CLIP4: variants seen among roughly 807,000 people sequenced by gnomAD.
CLIP4 encodes CAP-Gly domain containing linker protein family member 4.
CLIP4 carries 47 observed loss-of-function variants against 73.1 expected under a neutral mutation model. The ratio of observed to expected loss-of-function variants is 0.64; its 90% CI spans 0.51 to 0.82. The LOEUF is 0.82. Ranked by LOEUF, CLIP4 falls within the 40% of genes least tolerant of loss-of-function variation. The pLI is 0.00. For synonymous variants in CLIP4, 306 were observed against 295.4 expected (o/e 1.04, Z -0.37); for missense variants, 874 against 852.9 (o/e 1.02, Z -0.31).
chr2:29,148,815 T>C (rs776011992), intron 8 of CLIP4, among the ~76,000 whole-genome samples: 3 of 152,210 alleles, frequency 2.0e-5, no homozygotes, highest in Non-Finnish European at 4.4e-5. Flanking sequence ...ATGTAGCAGT[T>C]TGTTGGTTGA....
intron 13 of CLIP4, among the ~76,000 whole-genome samples, chr2:29,164,362 A>G (rs1276343246): frequency 6.6e-6 from 1 of 152,188 alleles, no homozygotes; most frequent in Non-Finnish European, 1.5e-5. Context: ...AATGGAACCA[A>G]AATGGCTTTT....
intron 8 of CLIP4, among the ~76,000 whole-genome samples, chr2:29,146,797 G>T (rs1666201497): frequency 6.6e-6 from 1 of 152,066 alleles, no homozygotes. Context: ...TGTGAAATAG[G>T]GATGACACTA....
chr2:29,170,882 C>T (rs1667959440), intron 14 of CLIP4, among the ~76,000 whole-genome samples: 1 of 151,856 alleles, frequency 6.6e-6, no homozygotes, highest in Non-Finnish European at 1.5e-5. Flanking sequence ...ATTGCCTTTG[C>T]TCTTTTTTCA....
At chr2:29,174,704 A>G in intron 15 of CLIP4, 5 of 1,101,502 alleles carry the variant, frequency 4.5e-6, no homozygotes, top group Non-Finnish European at 4.4e-6. Context: ...ATAAAAGTTA[A>G]AGGAATTTAC....
In CLIP4 at chr2:29,131,343, T is replaced by C. The variant is rs141091030; in HGVS notation, c.219T>C (p.Ile73=). Residue 73 remains isoleucine, a synonymous_variant, in exon 3 of 16, where the codon ATT becomes ATC. Coordinates refer to ENST00000320081, the MANE Select transcript of CLIP4 (RefSeq NM_024692.6). ...CTTCAGTTTCAGAATTATTTGCCAT[T>C]TTGAGACAGTGGGTTCCTCAGGTCC... ...PKTSVSELFA[I]LRQWVPQVQQ... is the part of the protein sequence containing the mutation. The C allele has an allele frequency of 1.1e-4, 183 of 1,610,650 alleles. No homozygotes were observed. In the African/African-American group the frequency reaches 2.2e-3, roughly 19 times the overall value.
rs552010048 is a variant in CLIP4, at chr2:29,163,381, CTGTT to C, written c.1535-446_1535-443del. On this transcript the variant is annotated intron_variant, in intron 12 of 15. Coordinates refer to ENST00000320081, the MANE Select transcript of CLIP4 (RefSeq NM_024692.6). ...TTGTCCTTCTTTAATTATTTGAGCA[CTGTT>C]TGTGGTGTTCTAATGTTAGGTGAGT... 1.7e-4 allele frequency among the ~76,000 whole-genome samples: 26 copies of C among 152,102 alleles called. No individual in the cohort carries two copies. In the East Asian group the frequency reaches 4.6e-3, roughly 27 times the overall value.
upstream of CLIP4, chr2:29,115,251 G>A (rs1663692364): frequency 6.6e-6 from 1 of 152,134 alleles, no homozygotes. The surrounding 1 kb of genome is among the most constrained non-coding windows in gnomAD (Gnocchi z 5.1). Context: ...CACGCACGGC[G>A]TGCCGGGGCC....
intron 5 of CLIP4, 121 bp from the exon 6 acceptor site, chr2:29,135,427 A>G: frequency 1.8e-6 from 1 of 551,082 alleles, no homozygotes; most frequent in Non-Finnish European, 3.1e-6. Flanking sequence ...TCATGCCTCT[A>G]GTGGGTTGAT....
At chr2:29,114,965 T>C (rs1668496458), upstream of CLIP4, 1 of 152,382 alleles carries the variant, frequency 6.6e-6, no homozygotes, top group African/African-American at 2.4e-5. Flanking sequence ...GTCTGGTCCT[T>C]GGGAGACGGA....
chr2:29,140,056 T>C (rs1366515742), intron 6 of CLIP4, among the ~76,000 whole-genome samples: 1 of 149,850 alleles, frequency 6.7e-6, no homozygotes, highest in Non-Finnish European at 1.5e-5. Context: ...AACGTGTTTT[T>C]ATTTATTTAT....
At chr2:29,130,246 A>G (rs891329904) in intron 2 of CLIP4, among the ~76,000 whole-genome samples, 8 of 152,162 alleles carry the variant, frequency 5.3e-5, no homozygotes, top group African/African-American at 1.9e-4. Flanking sequence ...CTGACATCAA[A>G]AACTGTCAAA....
At chr2:29,132,308 A>G (rs1038218202) in intron 4 of CLIP4, 63 bp downstream of exon 4, 2 of 1,311,098 alleles carry the variant, frequency 1.5e-6, no homozygotes, top group African/African-American at 2.9e-5. Context: ...GATAATCTAT[A>G]TTTATGCCCA....
chr2:29,137,681 T>C (rs1028943071), intron 6 of CLIP4, among the ~76,000 whole-genome samples: 5 of 152,136 alleles, frequency 3.3e-5, no homozygotes. Flanking sequence ...CACCAAGATG[T>C]TATTTTTTGA....
intron 1 of CLIP4, among the ~76,000 whole-genome samples, chr2:29,105,447 C>A (rs184164681): frequency 1.1e-4 from 16 of 152,272 alleles, no homozygotes; most frequent in African/African-American, 3.9e-4. Flanking sequence ...GCAGGAGTTT[C>A]CATTTTGAAC....
At position 29,160,197 on chromosome 2, in the gene CLIP4, T is replaced by C. The variant is rs187544413; in HGVS notation, c.1400-136T>C. ...CTTATGTGATGAAAGGCATCAGATA[T>C]CAAAATCACCAACTAACTAGACTAG... is the stretch of plus-strand genomic sequence containing the variant. On this transcript the variant is annotated intron_variant, in intron 11 of 15. Coordinates refer to ENST00000320081, the MANE Select transcript of CLIP4 (RefSeq NM_024692.6). 2.1e-3 allele frequency: 2,210 copies of C among 1,053,604 alleles called. 5 individuals are homozygous for C. Among genetic ancestry groups the C allele is most frequent in the Non-Finnish European group, 2.8e-3 (2,003 of 710,134 alleles). 65.3% of individuals were successfully genotyped at this position (1,053,604 alleles called of 1,614,324 possible).
At position 29,148,133 on chromosome 2, in the gene CLIP4, G is replaced by A. The variant is rs550666189; in HGVS notation, c.1021+2766G>A. On this transcript the variant is annotated intron_variant, in intron 8 of 15. Transcript: ENST00000320081. Reference sequence around the variant, plus strand: ...GTACTCAAAGGCAAGTTGTGGGGCAGGGGTCATGTGTTGGATTGTGTGAAA... The same window carrying A: ...GTACTCAAAGGCAAGTTGTGGGGCAAGGGTCATGTGTTGGATTGTGTGAAA... Among the ~76,000 whole-genome samples, 9 of 152,294 alleles carry A rather than the reference G, an allele frequency of 5.9e-5. No individual in the cohort carries two copies. In the East Asian group the frequency reaches 1.7e-3, roughly 30 times the overall value.
chr2:29,153,429 T>A (rs937959196), intron 9 of CLIP4, among the ~76,000 whole-genome samples: 1 of 152,196 alleles, frequency 6.6e-6, no homozygotes, highest in Admixed American at 6.5e-5. Context: ...CTCACCATTT[T>A]TTTCGACTTC....
At chr2:29,148,327 C>T (rs1347178304) in intron 8 of CLIP4, among the ~76,000 whole-genome samples, 1 of 152,156 alleles carries the variant, frequency 6.6e-6, no homozygotes, top group East Asian at 1.9e-4. Flanking sequence ...GCTTGTTGTG[C>T]TGCTTTTATT....
At position 29,149,143 on chromosome 2, in the gene CLIP4, G is replaced by A. The variant is rs573748771; in HGVS notation, c.1022-3542G>A. Among the ~76,000 whole-genome samples the A allele has an allele frequency of 7.9e-4, 120 of 152,180 alleles. 1 individual carries two copies. Among genetic ancestry groups the A allele is most frequent in the Non-Finnish European group, 2.1e-4 (14 of 68,038 alleles). On this transcript the variant is annotated intron_variant, in intron 8 of 15. Coordinates refer to ENST00000320081, the MANE Select transcript of CLIP4 (RefSeq NM_024692.6). ...TGTTGTAGTAAACGGGCAGCCATAG[G>A]CAGTGTGTAAGCAGATGGACGTGGC...
Sources: gnomAD v4.1 joint callset for allele counts (sites outside exome capture counted in the v4.1 genomes callset) on GRCh38, gnomAD v4.1.1 for gene constraint, Gnocchi (gnomAD v3.1) non-coding constraint, MANE v1.5 for transcripts, NCBI Gene and HGNC (gene_info 2026-07-23, HGNC 2026-07-21) for gene names.